The following SLC5A12 variants were observed in gnomAD, a reference collection of about 807,000 sequenced individuals.
SLC5A12 encodes sodium-coupled monocarboxylate transporter 2.
SLC5A12 carries 46 observed loss-of-function variants against 72.7 expected under a neutral mutation model. The ratio of observed to expected loss-of-function variants is 0.63; its 90% CI spans 0.50 to 0.81. The LOEUF is 0.81. SLC5A12 is among the 30% of genes least tolerant of loss of function. The pLI is 0.00. For synonymous variants in SLC5A12, 275 were observed against 264.4 expected (o/e 1.04, Z -0.39); for missense variants, 683 against 740.7 (o/e 0.92, Z 0.90).
rs1259915050 is a variant in SLC5A12, at chr11:26,669,095, C to T, written c.*2007G>A. On this transcript the variant is annotated 3_prime_UTR_variant, in exon 15 of 15. Transcript: ENST00000396005. The stretch of plus-strand genomic sequence containing the variant: ...TATGTATATGCATATGTAATACCTA[C>T]CATTAATTTATTCTCATCCTCAGAA... The T allele has an allele frequency of 6.6e-6, 1 of 151,568 alleles. No individual in the cohort carries two copies. Among genetic ancestry groups the T allele is most frequent in the African/African-American group, 2.4e-5 (1 of 41,308 alleles). 9.4% of individuals were successfully genotyped at this position (151,568 alleles called of 1,614,324 possible).
In SLC5A12 at chr11:26,703,854, CA is replaced by C. The variant is rs762573314; in HGVS notation, c.618del (p.His206GlnfsTer9). The C allele has an allele frequency of 3.7e-6, 6 of 1,613,948 alleles. No homozygotes were observed. The highest frequency in any genetic ancestry group is 4.2e-6 in the Non-Finnish European group (5 of 1,179,878). On this transcript the variant is annotated frameshift_variant, in exon 5 of 15. Transcript: ENST00000396005. LOFTEE classifies it high-confidence loss of function. ...FLTVLIQGST[H>X]AGGFHNVLEQ... ...TCTAATACATTGTGGAATCCCCCAGCATGAGTTGATCCTTGAATGAGAACCG... is the reference window on the plus strand; with the variant it reads ...TCTAATACATTGTGGAATCCCCCAGCTGAGTTGATCCTTGAATGAGAACCG...
chr11:26,708,270 A>C (rs771859874), intron 4 of SLC5A12, among the ~76,000 whole-genome samples: 1 of 152,042 alleles, frequency 6.6e-6, no homozygotes, highest in Non-Finnish European at 1.5e-5. Flanking sequence ...CAGGTACCTC[A>C]GAGCAACTAA....
intron 9 of SLC5A12, 170 bp downstream of exon 9, chr11:26,692,319 G>A: frequency 1.7e-6 from 1 of 595,622 alleles, no homozygotes; most frequent in Non-Finnish European, 3.0e-6. Context: ...ATTCTTTCCT[G>A]ATACCCTGCT....
chr11:26,717,086 T>C (rs965080420), intron 1 of SLC5A12, among the ~76,000 whole-genome samples: 11 of 152,166 alleles, frequency 7.2e-5, no homozygotes, highest in African/African-American at 2.4e-4. Context: ...TAATATCTTA[T>C]AGATAAACAT....
intron 2 of SLC5A12, among the ~76,000 whole-genome samples, chr11:26,712,297 T>TA (rs1227799105): frequency 1.6e-4 from 25 of 151,718 alleles, no homozygotes; most frequent in Non-Finnish European, 3.1e-4. Context: ...AGCAAACAAG[T>TA]AAAAAAACAA....
intron 6 of SLC5A12, among the ~76,000 whole-genome samples, chr11:26,702,361 C>T (rs576064232): frequency 6.6e-5 from 10 of 152,222 alleles, no homozygotes; most frequent in Admixed American, 6.5e-4. Context: ...ATGGTTGAAT[C>T]GTTTCCAGGC....
In SLC5A12 at chr11:26,712,025, TTCTTCAG is replaced by T. The variant is rs112561680; in HGVS notation, c.405+609_405+615del. ...GTTTTCCTCCATTTGCTTGCCTAAA[TTCTTCAG>T]TCAGTGTGTGGGAGTTTTGATTAAG... is the stretch of plus-strand genomic sequence containing the variant. On this transcript the variant is annotated intron_variant, in intron 2 of 14. Transcript: ENST00000396005. Among the ~76,000 whole-genome samples the T allele has an allele frequency of 1.4e-3, 215 of 152,206 alleles. 2 individuals carry two copies. The highest frequency in any genetic ancestry group is 4.9e-3 in the African/African-American group (202 of 41,546).
At chr11:26,708,547 T>C (rs1487104640) in intron 4 of SLC5A12, among the ~76,000 whole-genome samples, 3 of 151,992 alleles carry the variant, frequency 2.0e-5, no homozygotes, top group Non-Finnish European at 4.4e-5. Flanking sequence ...TATATGAAAA[T>C]ATATTAATTT....
At chr11:26,714,216 A>G (rs1428345370) in intron 1 of SLC5A12, among the ~76,000 whole-genome samples, 3 of 152,164 alleles carry the variant, frequency 2.0e-5, no homozygotes, top group Non-Finnish European at 2.9e-5. Context: ...TTCCTAATAT[A>G]CAAGTACTGT....
chr11:26,698,565 G>GC, intron 6 of SLC5A12, 30 bp from the exon 7 acceptor site: 5 of 1,612,084 alleles, frequency 3.1e-6, no homozygotes, highest in Non-Finnish European at 4.2e-6. Flanking sequence ...CCTATTGGTA[G>GC]CCTGTATACC....
At chr11:26,718,196 A>C (rs547852605) in intron 1 of SLC5A12, among the ~76,000 whole-genome samples, 1 of 152,340 alleles carries the variant, frequency 6.6e-6, no homozygotes, top group Admixed American at 6.5e-5. Context: ...ATAAATTTGA[A>C]GATAGCAACA....
rs1472161739 is a variant in SLC5A12 at position 26,703,761 on chromosome 11, T to G, written c.680+32A>C. ...TGATAAGGTCATGTAGCTAAGTCTT[T>G]GTAAAGTATGAAAAAGTTGCATTGG... On this transcript the variant is annotated intron_variant, in intron 5 of 14. Transcript: ENST00000396005. The G allele has an allele frequency of 3.7e-6, 6 of 1,612,954 alleles. No individual in the cohort carries two copies. The Admixed American group carries it at 1.0e-4, about 27-fold the overall frequency.
chr11:26,683,149 T>A (rs1475431945), intron 11 of SLC5A12, among the ~76,000 whole-genome samples: 1 of 152,200 alleles, frequency 6.6e-6, no homozygotes, highest in African/African-American at 2.4e-5. Flanking sequence ...AATCCTGCTA[T>A]TATAAATGTT....
At chr11:26,720,899 C>T (rs1030919822) in intron 1 of SLC5A12, among the ~76,000 whole-genome samples, 6 of 152,124 alleles carry the variant, frequency 3.9e-5, no homozygotes, top group Non-Finnish European at 7.3e-5. Flanking sequence ...TACTCTCTGA[C>T]GGAAAGGCCA....
At position 26,670,944 on chromosome 11, in the gene SLC5A12, G is replaced by T; in HGVS notation, c.*158C>A. ...GAATATCCCGAGAGACAGTCATTTTGCATGTAGTTATAAATAAGTAGAAAT... is the reference window on the plus strand; with the variant it reads ...GAATATCCCGAGAGACAGTCATTTTTCATGTAGTTATAAATAAGTAGAAAT... On this transcript the variant is annotated 3_prime_UTR_variant, in exon 15 of 15. Transcript: ENST00000396005. 3.4e-6 allele frequency: 2 copies of T among 584,462 alleles called. No homozygotes were observed. Among genetic ancestry groups the T allele is most frequent in the Non-Finnish European group, 5.4e-6 (2 of 367,754 alleles). 36.2% of individuals were successfully genotyped at this position (584,462 alleles called of 1,614,324 possible). A position where few individuals can be genotyped will look rare whatever the true frequency, so the allele number is the denominator to read the frequency against.
chr11:26,690,245 A>G (rs1854634735), intron 9 of SLC5A12, among the ~76,000 whole-genome samples: 1 of 152,194 alleles, frequency 6.6e-6, no homozygotes, highest in Non-Finnish European at 1.5e-5. Context: ...ATGAATAGCC[A>G]AAATTTTTTT....
chr11:26,697,125 T>C (rs375760901), intron 8 of SLC5A12, 39 bp downstream of exon 8: 336 of 1,538,180 alleles, frequency 2.2e-4, no homozygotes, highest in Admixed American at 5.3e-4. Context: ...CTTGTTATCC[T>C]TTCCATCATC....
In SLC5A12 at chr11:26,703,601, C is replaced by T. The variant is rs750972474; in HGVS notation, c.751G>A (p.Gly251Arg). 7 of 1,613,782 alleles carry T rather than the reference C, an allele frequency of 4.3e-6. No individual in the cohort carries two copies. Among genetic ancestry groups the T allele is most frequent in the African/African-American group, 1.3e-5 (1 of 74,884 alleles). Residue 251 changes from glycine (G) to arginine (R), a missense_variant, in exon 6 of 15, where the codon GGA becomes AGA. By Grantham distance (125) the Gly-to-Arg change is moderately radical. Coordinates refer to ENST00000396005, the MANE Select transcript of SLC5A12 (RefSeq NM_178498.4). ...ITVGGTFTWL[G>R]IYGVNQSTIQ... The stretch of plus-strand genomic sequence containing the variant: ...GTTGATTGATTGACCCCATAGATTC[C>T]GAGCCAAGTAAAAGTTCCTCCCACT...
Position 26,715,357 on chromosome 11 carries a change from T to G in SLC5A12, c.340-2651A>C, listed in dbSNP as rs80277084. Reference sequence around the variant, plus strand: ...CAGATCAGAAGGCTTGAGGGTGTTATCATTGGCACTCAGCCAATTACTAAA... The same window carrying G: ...CAGATCAGAAGGCTTGAGGGTGTTAGCATTGGCACTCAGCCAATTACTAAA... On this transcript the variant is annotated intron_variant, in intron 1 of 14. Transcript: ENST00000396005. Among the ~76,000 whole-genome samples the G allele has an allele frequency of 6.0e-3, 907 of 152,184 alleles. 14 individuals carry two copies. Among genetic ancestry groups the G allele is most frequent in the East Asian group, 0.015 (75 of 5,162 alleles).
Sources: gnomAD v4.1 joint callset for allele counts (sites outside exome capture counted in the v4.1 genomes callset) on GRCh38, gnomAD v4.1.1 for gene constraint, MANE v1.5 for transcripts, NCBI Gene and HGNC (gene_info 2026-07-23, HGNC 2026-07-21) for gene names.